The following CDH12 variants were observed in gnomAD, a reference collection of about 807,000 sequenced individuals.
CDH12 encodes cadherin-12.
Under a neutral mutation model 74.1 loss-of-function variants are expected in CDH12, and 41 were observed. That is an observed-to-expected ratio of 0.55 (90% CI 0.43 to 0.72). CDH12 has a LOEUF of 0.72. CDH12 is among the 30% of genes least tolerant of loss of function. CDH12 has a pLI of 0.00. For missense variants in CDH12, 945 were observed against 977.2 expected (o/e 0.97, Z 0.44); for synonymous variants, 399 against 355.0 (o/e 1.12, Z -1.39).
At chr5:22,525,719 C>T (rs1737241494) in intron 1 of CDH12, among the ~76,000 whole-genome samples, 1 of 152,098 alleles carries the variant, frequency 6.6e-6, no homozygotes, top group Non-Finnish European at 1.5e-5. Context: ...AGAGAAGCAA[C>T]TTCGGGCTCT....
intron 5 of CDH12, among the ~76,000 whole-genome samples, chr5:22,010,493 T>A (rs1330087166): frequency 6.6e-6 from 1 of 152,236 alleles, no homozygotes; most frequent in Non-Finnish European, 1.5e-5. Context: ...GAATGCTGTT[T>A]GCTTCATGGA....
intron 3 of CDH12, among the ~76,000 whole-genome samples, chr5:22,258,683 C>A (rs1421942806): frequency 6.6e-6 from 1 of 152,018 alleles, no homozygotes. Flanking sequence ...ACCTTTTATA[C>A]CATATATTTA....
intron 1 of CDH12, among the ~76,000 whole-genome samples, chr5:22,623,667 A>G (rs149986929): frequency 0.15 from 22,421 of 152,132 alleles, 2,149 homozygotes; most frequent in Admixed American, 0.33. Flanking sequence ...ATAAAAGAGG[A>G]CACAAACAAA....
intron 1 of CDH12, among the ~76,000 whole-genome samples, chr5:22,825,953 T>C (rs1736304252): frequency 6.6e-6 from 1 of 152,190 alleles, no homozygotes; most frequent in African/African-American, 2.4e-5. Context: ...CATTCACTAA[T>C]TGATGAATTA....
At chr5:21,903,513 T>TA (rs1753493980) in intron 6 of CDH12, among the ~76,000 whole-genome samples, 1 of 152,082 alleles carries the variant, frequency 6.6e-6, no homozygotes, top group Non-Finnish European at 1.5e-5. Context: ...TTCGTTATCT[T>TA]AAAGGGGGAA....
chr5:22,378,551 G>A (rs754522830), intron 3 of CDH12, among the ~76,000 whole-genome samples: 30 of 151,912 alleles, frequency 2.0e-4, no homozygotes, highest in Non-Finnish European at 3.8e-4. Context: ...ATGAATTAGG[G>A]TGTAAATCTC....
chr5:22,034,350 T>C (rs1354963002), intron 5 of CDH12, among the ~76,000 whole-genome samples: 1 of 152,144 alleles, frequency 6.6e-6, no homozygotes, highest in African/African-American at 2.4e-5. Context: ...GTAAAGAAAA[T>C]TGTTGAATAA....
chr5:21,778,252 A>G (rs1745701405), intron 11 of CDH12, among the ~76,000 whole-genome samples: 1 of 152,146 alleles, frequency 6.6e-6, no homozygotes, highest in South Asian at 2.1e-4. Context: ...TACAGACAAA[A>G]TATCTCTGAA....
intron 1 of CDH12, among the ~76,000 whole-genome samples, chr5:22,788,178 G>A (rs1348822851): frequency 1.3e-5 from 2 of 152,130 alleles, no homozygotes; most frequent in East Asian, 3.9e-4. Flanking sequence ...AATATTATTT[G>A]TGAGTCTCAT....
chr5:22,764,073 TG>T (rs1223493978), intron 1 of CDH12, among the ~76,000 whole-genome samples: 1 of 140,600 alleles, frequency 7.1e-6, no homozygotes, highest in African/African-American at 2.6e-5. Flanking sequence ...TAAATACACG[TG>T]CTTTTTACAT....
At chr5:22,557,550 G>A (rs1738851586) in intron 1 of CDH12, among the ~76,000 whole-genome samples, 1 of 152,012 alleles carries the variant, frequency 6.6e-6, no homozygotes, top group South Asian at 2.1e-4. Context: ...AAAGAAGGAA[G>A]AATACGAACG....
At chr5:22,484,781 T>C (rs1746521504) in intron 2 of CDH12, among the ~76,000 whole-genome samples, 1 of 152,224 alleles carries the variant, frequency 6.6e-6, no homozygotes, top group South Asian at 2.1e-4. Context: ...CAATTGCTTA[T>C]ATTGCACAAA....
chr5:22,721,761 C>T (rs1743903640), intron 1 of CDH12, among the ~76,000 whole-genome samples: 1 of 152,050 alleles, frequency 6.6e-6, no homozygotes, highest in Admixed American at 6.6e-5. Flanking sequence ...ATGGGGGCAG[C>T]TTTTTCCAAT....
intron 3 of CDH12, among the ~76,000 whole-genome samples, chr5:22,259,382 G>A (rs535685567): frequency 4.6e-5 from 7 of 152,018 alleles, no homozygotes; most frequent in South Asian, 2.1e-4. Flanking sequence ...TATGCAGTAC[G>A]CTAGGCCTAA....
At chr5:22,585,797 T>C (rs1404649106) in intron 1 of CDH12, among the ~76,000 whole-genome samples, 1 of 152,196 alleles carries the variant, frequency 6.6e-6, no homozygotes, top group African/African-American at 2.4e-5. Flanking sequence ...TTCTAGGTCG[T>C]TCTTTCAAAA....
chr5:22,312,202 G>C (rs1009600169), intron 3 of CDH12, among the ~76,000 whole-genome samples: 4 of 151,784 alleles, frequency 2.6e-5, no homozygotes, highest in African/African-American at 4.8e-5. Context: ...GATAAAATGA[G>C]TTTTCAGTAG....
intron 3 of CDH12, among the ~76,000 whole-genome samples, chr5:22,371,156 A>G (rs1173342572): frequency 6.6e-6 from 1 of 152,138 alleles, no homozygotes; most frequent in African/African-American, 2.4e-5. Context: ...CTTAATTTTA[A>G]TTTCTGGAAA....
At chr5:22,164,410 G>A (rs1487286013) in intron 4 of CDH12, among the ~76,000 whole-genome samples, 2 of 152,196 alleles carry the variant, frequency 1.3e-5, no homozygotes, top group Non-Finnish European at 2.9e-5. Context: ...GACAGTGGGC[G>A]CCTCGCTGAA....
chr5:21,941,768 AC>A (rs1401448613), intron 6 of CDH12, among the ~76,000 whole-genome samples: 2 of 151,996 alleles, frequency 1.3e-5, no homozygotes, highest in Non-Finnish European at 2.9e-5. Context: ...TACAATATGT[AC>A]CCATCTTTAA....
Sources: gnomAD v4.1 joint callset for allele counts (sites outside exome capture counted in the v4.1 genomes callset) on GRCh38, gnomAD v4.1.1 for gene constraint, MANE v1.5 for transcripts, NCBI Gene and HGNC (gene_info 2026-07-23, HGNC 2026-07-21) for gene names.